KIF3C: variants seen among roughly 807,000 people sequenced by gnomAD.
The protein encoded by KIF3C is kinesin-like protein KIF3C.
In KIF3C, 12 loss-of-function variants were observed where a neutral mutation model predicts 67.7. The ratio of observed to expected loss-of-function variants is 0.18; its 90% confidence interval spans 0.11 to 0.29. KIF3C has a LOEUF of 0.29. KIF3C is among the 10% of genes least tolerant of loss of function. The pLI is 1.00. For synonymous variants in KIF3C, 393 were observed against 426.2 expected (o/e 0.92, Z 0.96); for missense variants, 789 against 1,059.6 (o/e 0.74, Z 3.55).
At chr2:25,929,249 C>T in intron 7 of KIF3C, 56 bp downstream of exon 7, 1 of 1,574,818 alleles carries the variant, frequency 6.3e-7, no homozygotes, top group Non-Finnish European at 8.7e-7. Flanking sequence ...CACCCAGCGC[C>T]TGCAGTTCCC....
At chr2:25,978,475 G>A (rs183628967) in intron 1 of KIF3C, among the ~76,000 whole-genome samples, 34 of 152,240 alleles carry the variant, frequency 2.2e-4, no homozygotes, top group African/African-American at 8.2e-4. Flanking sequence ...GTGTGGCCCT[G>A]GGCAAGTCCA....
At chr2:25,964,522 A>G (rs1027122638) in intron 1 of KIF3C, among the ~76,000 whole-genome samples, 1 of 152,104 alleles carries the variant, frequency 6.6e-6, no homozygotes, top group South Asian at 2.1e-4. Context: ...GCTGGAATGT[A>G]GTGGCATGAT....
intron 5 of KIF3C, among the ~76,000 whole-genome samples, chr2:25,945,338 T>TA (rs563206499): frequency 1.1e-4 from 17 of 151,874 alleles, no homozygotes; most frequent in South Asian, 4.1e-4. Flanking sequence ...GTCTGGTAGT[T>TA]AAAAATCCTG....
In KIF3C at chr2:25,930,663, G is replaced by A. The variant is rs566870227; in HGVS notation, c.2007-600C>T. On this transcript the variant is annotated intron_variant, in intron 5 of 7. Coordinates refer to ENST00000264712, the MANE Select transcript of KIF3C (RefSeq NM_002254.8). ...AGTGATTCTTCTGTCTCAGCCTCCC[G>A]AGTAGCTTGGATTATAGGCATGTGG... is the stretch of plus-strand genomic sequence containing the variant. Among the ~76,000 whole-genome samples the A allele has an allele frequency of 2.2e-4, 34 of 152,156 alleles. No homozygotes were observed. The East Asian group carries it at 5.2e-3, about 23-fold the overall frequency.
At chr2:25,937,789 G>A (rs540495529) in intron 5 of KIF3C, among the ~76,000 whole-genome samples, 1 of 151,986 alleles carries the variant, frequency 6.6e-6, no homozygotes, top group African/African-American at 2.4e-5. Flanking sequence ...GGTGGCTCAC[G>A]GCACGCCTGT....
At chr2:25,949,368 G>C (rs922420754) in intron 5 of KIF3C, among the ~76,000 whole-genome samples, 2 of 151,932 alleles carry the variant, frequency 1.3e-5, no homozygotes, top group African/African-American at 4.8e-5. Flanking sequence ...CAGCCCAGGA[G>C]CTCGAGATCA....
At chr2:25,930,245 C>T (rs982939500) in intron 5 of KIF3C, among the ~76,000 whole-genome samples, 182 bp from the exon 6 acceptor site, 1 of 152,196 alleles carries the variant, frequency 6.6e-6, no homozygotes, top group Non-Finnish European at 1.5e-5. Context: ...CCCCCTCATC[C>T]GTGGTTTCGC....
chr2:25,977,039 C>T (rs1664436478), intron 1 of KIF3C, among the ~76,000 whole-genome samples: 1 of 152,078 alleles, frequency 6.6e-6, no homozygotes, highest in East Asian at 1.9e-4. Flanking sequence ...CCACACCCTC[C>T]CTCCCCCAGA....
In KIF3C at chr2:25,981,767, G is replaced by A. The variant is rs753842230; in HGVS notation, c.151C>T (p.Pro51Ser). The change falls in exon 1 of 8, where the codon CCG (proline) becomes TCG (serine). Residue 51 changes from proline to serine, a missense_variant. Coordinates refer to ENST00000264712, the MANE Select transcript of KIF3C (RefSeq NM_002254.8). This position sits in a 1 kb window ranked among gnomAD's most constrained non-coding sequence, Gnocchi z 8.2. The stretch of plus-strand genomic sequence containing the variant: ...GTGAAGGTCTTGGGCAGCTCCCCCG[G>A]GGCGGCGCGGGGGTTCCGCAGGGTC... Reference protein sequence around the residue: ...QVTLRNPRAAPGELPKTFTFD... With the variant: ...QVTLRNPRAASGELPKTFTFD... 1 of 1,613,624 alleles carries A rather than the reference G, an allele frequency of 6.2e-7. No individual in the cohort carries two copies. Among genetic ancestry groups the A allele is most frequent in the South Asian group, 1.1e-5 (1 of 91,042 alleles).
chr2:25,956,210 G>C, intron 2 of KIF3C, 133 bp downstream of exon 2: 1 of 703,468 alleles, frequency 1.4e-6, no homozygotes, highest in Non-Finnish European at 2.4e-6. Flanking sequence ...GTGGGACCCA[G>C]GGTGGCATGT....
chr2:25,979,784 G>C lies in KIF3C; in HGVS notation c.1545+589C>G, dbSNP rs570662623. Among the ~76,000 whole-genome samples the C allele has an allele frequency of 1.4e-4, 22 of 152,248 alleles. 1 individual carries two copies. Among genetic ancestry groups the C allele is most frequent in the African/African-American group, 5.1e-4 (21 of 41,558 alleles). On this transcript the variant is annotated intron_variant, in intron 1 of 7. Coordinates refer to ENST00000264712, the MANE Select transcript of KIF3C (RefSeq NM_002254.8). ...GGTCCATGGGTTCCAGCTCAGCTCT[G>C]CCACTTCATAGGATGGAACCTTGGT...
chr2:25,965,620 A>AT (rs998739982), intron 1 of KIF3C, among the ~76,000 whole-genome samples: 4 of 151,306 alleles, frequency 2.6e-5, no homozygotes, highest in Admixed American at 2.6e-4. Context: ...CACCCGACTA[A>AT]TTTTTTTAGA....
chr2:25,960,920 T>C (rs1663928010), intron 1 of KIF3C, among the ~76,000 whole-genome samples: 1 of 152,124 alleles, frequency 6.6e-6, no homozygotes, highest in South Asian at 2.1e-4. Flanking sequence ...TGGGCAACAG[T>C]GAGACCCTGT....
intron 5 of KIF3C, among the ~76,000 whole-genome samples, chr2:25,946,733 A>C (rs1020635971): frequency 6.6e-6 from 1 of 151,946 alleles, no homozygotes; most frequent in South Asian, 2.1e-4. Context: ...GTGCACCTGT[A>C]ATCCTAGCTA....
rs539809048 is a variant in KIF3C, at chr2:25,973,295, T to G, written c.1545+7078A>C. On this transcript the variant is annotated intron_variant, in intron 1 of 7. Transcript: ENST00000264712. ...TAGGTCAGGCACGGTGGCTCATGCC[T>G]GTAATCCCAGCACTTTGGGAGGCTG... is the stretch of plus-strand genomic sequence containing the variant. 9.0e-4 allele frequency among the ~76,000 whole-genome samples: 137 copies of G among 152,244 alleles called. 1 individual carries two copies. The highest frequency in any genetic ancestry group is 3.2e-3 in the African/African-American group (134 of 41,546).
At chr2:25,953,958 C>A (rs374238044) in intron 4 of KIF3C, among the ~76,000 whole-genome samples, 5 of 152,282 alleles carry the variant, frequency 3.3e-5, no homozygotes, top group African/African-American at 1.2e-4. Flanking sequence ...TGAGCCACTG[C>A]GCCCGGCCCT....
rs542570040 is a variant in KIF3C at position 25,980,469 on chromosome 2, G to A, written c.1449C>T (p.Ser483=). The A allele has an allele frequency of 5.1e-5, 82 of 1,613,994 alleles. No homozygotes were observed. The highest frequency in any genetic ancestry group is 9.3e-5 in the African/African-American group (7 of 74,990). ...CCTCCAGCAGCTTCTGCTTCTCCTC[G>A]CTCACCAGGCTGCGGTCATCCTGGA... is the stretch of plus-strand genomic sequence containing the variant. ...AAIQDDRSLV[S]EEKQKLLEEK... is the part of the protein sequence containing the mutation. Residue 483 remains serine, a synonymous_variant, in exon 1 of 8, where the codon AGC becomes AGT. Coordinates refer to ENST00000264712, the MANE Select transcript of KIF3C (RefSeq NM_002254.8). This position sits in a 1 kb window ranked among gnomAD's most constrained non-coding sequence, Gnocchi z 7.6.
intron 3 of KIF3C, among the ~76,000 whole-genome samples, chr2:25,954,636 C>T (rs1663759127): frequency 1.3e-5 from 2 of 152,212 alleles, no homozygotes; most frequent in South Asian, 4.1e-4. Context: ...CTATCAGCAT[C>T]GTGGAATGTT....
At chr2:25,976,204 A>T (rs1214598326) in intron 1 of KIF3C, among the ~76,000 whole-genome samples, 1 of 152,114 alleles carries the variant, frequency 6.6e-6, no homozygotes, top group Non-Finnish European at 1.5e-5. Context: ...CACAGTTCGC[A>T]TTCCTCCTTA....
Sources: gnomAD v4.1 joint callset for allele counts (sites outside exome capture counted in the v4.1 genomes callset) on GRCh38, gnomAD v4.1.1 for gene constraint, Gnocchi (gnomAD v3.1) non-coding constraint, MANE v1.5 for transcripts, NCBI Gene and HGNC (gene_info 2026-07-23, HGNC 2026-07-21) for gene names.